Variants in PTPRF observed in about 807,000 individuals in gnomAD.
PTPRF encodes the protein protein tyrosine phosphatase receptor type F.
A neutral mutation model predicts 201.8 loss-of-function variants in PTPRF; 59 were observed. The ratio of observed to expected loss-of-function variants is 0.29; its 90% CI spans 0.24 to 0.36. The LOEUF (loss-of-function observed/expected upper bound fraction) is 0.36, where lower values mean the gene tolerates loss of function less well. Among genes scored for constraint, PTPRF ranks in the 10% least tolerant of loss-of-function variants. The pLI is 1.00. For missense variants in PTPRF, 2,132 were observed against 2,690.5 expected, an observed-to-expected ratio of 0.79 and a Z score of 4.59; for synonymous variants, 1,088 against 1,089.7, an observed-to-expected ratio of 1.00 and a Z score of 0.03.
intron 1 of PTPRF, among the ~76,000 whole-genome samples, chr1:43,533,868 G>C (rs551119968): frequency 6.6e-6 from 1 of 152,178 alleles, no homozygotes; most frequent in Non-Finnish European, 1.5e-5. Context: ...GCCAGACCCC[G>C]GGGTAGGCGC....
chr1:43,562,100 G>A (rs1328608328), intron 5 of PTPRF, among the ~76,000 whole-genome samples: 1 of 152,030 alleles, frequency 6.6e-6, no homozygotes, highest in Non-Finnish European at 1.5e-5. Context: ...TTTGCTTGCT[G>A]GGGAGAGAGG....
chr1:43,592,836 C>G (rs770422296), intron 11 of PTPRF, among the ~76,000 whole-genome samples: 15 of 152,142 alleles, frequency 9.9e-5, no homozygotes, highest in Non-Finnish European at 1.6e-4. Context: ...CCTCCTGCCC[C>G]TCCTCCCGCC....
At chr1:43,567,862 A>T (rs1172102716) in intron 5 of PTPRF, among the ~76,000 whole-genome samples, 2 of 152,222 alleles carry the variant, frequency 1.3e-5, no homozygotes, top group East Asian at 3.8e-4. Context: ...AAGGAGGTAG[A>T]GTGGTGCTGG....
At position 43,598,069 on chromosome 1, in the gene PTPRF, G is replaced by A. The variant is rs576844425; in HGVS notation, c.2119+16G>A. On this transcript the variant is annotated intron_variant, in intron 12 of 33. Transcript: ENST00000359947. ...GATGAGGACGGTAGGCAGTGCCACC[G>A]GGGCGGGAGGGGAGGCGTTCTGCCT... is the stretch of plus-strand genomic sequence containing the variant. 70 of 1,454,170 alleles carry A rather than the reference G, an allele frequency of 4.8e-5. No individual in the cohort carries two copies. In the African/African-American group the frequency reaches 8.8e-4, roughly 18 times the overall value. 90.1% of individuals were successfully genotyped at this position (1,454,170 alleles called of 1,614,324 possible). A position where few individuals can be genotyped will look rare whatever the true frequency, so the allele number is the denominator to read the frequency against.
intron 23 of PTPRF, among the ~76,000 whole-genome samples, chr1:43,616,651 C>T (rs57214956): frequency 0.11 from 17,203 of 151,900 alleles, 3,267 homozygotes; most frequent in African/African-American, 0.4. Flanking sequence ...GGGTGCCTTT[C>T]GCTAAGGTGT....
In PTPRF at chr1:43,592,644, GAC is replaced by G. The variant is rs113290421; in HGVS notation, c.1813+57_1813+58del. ...CCGCTGCCTGTTACACCTGGGCTGG[GAC>G]ACACACACACACATGCACACACATC... On this transcript the variant is annotated intron_variant, in intron 11 of 33. Coordinates refer to ENST00000359947, the MANE Select transcript of PTPRF (RefSeq NM_002840.5). 3.4e-3 allele frequency: 5,128 copies of G among 1,490,352 alleles called. 1 individual carries two copies. Among genetic ancestry groups the G allele is most frequent in the Admixed American group, 8.4e-3 (445 of 52,908 alleles). 92.3% of individuals were successfully genotyped at this position (1,490,352 alleles called of 1,614,324 possible).
intron 6 of PTPRF, among the ~76,000 whole-genome samples, chr1:43,578,339 G>A (rs1037332876): frequency 3.3e-5 from 5 of 152,190 alleles, no homozygotes; most frequent in African/African-American, 7.2e-5. Context: ...CCTGGTGGGC[G>A]GCAAATTCTC....
intron 7 of PTPRF, among the ~76,000 whole-genome samples, chr1:43,586,175 A>G (rs35287175): frequency 0.031 from 4,749 of 152,332 alleles, 101 homozygotes; most frequent in Middle Eastern, 0.054. Flanking sequence ...GGAAACCTGC[A>G]CCTAGTAGGT....
At chr1:43,592,387 C>T (rs116656175) in intron 10 of PTPRF, 70 bp from the exon 11 acceptor site, 1 of 1,537,776 alleles carries the variant, frequency 6.5e-7, no homozygotes, top group Non-Finnish European at 8.8e-7. Context: ...CATTGCAGCC[C>T]ATGTTGGGGA....
chr1:43,598,687 A>C (rs780319047), intron 12 of PTPRF, 33 bp from the exon 13 acceptor site: 19 of 1,597,410 alleles, frequency 1.2e-5, no homozygotes, highest in Non-Finnish European at 1.6e-5. Flanking sequence ...TGATACCTCC[A>C]GGCCTGACTT....
chr1:43,621,913 G>C (rs1191988065), intron 33 of PTPRF, 22 bp from the exon 34 acceptor site: 4 of 1,613,736 alleles, frequency 2.5e-6, no homozygotes, highest in Non-Finnish European at 3.4e-6. Context: ...GACCCACACT[G>C]ACCAGCCCCC....
Position 43,603,007 on chromosome 1 carries a change from C to G in PTPRF, c.2341-409C>G, listed in dbSNP as rs1263793468. ...GCATGCATGCACTGGTGTCCACAGG[C>G]AGCCTTACGCCTGCTTATGCAGGAG... On this transcript the variant is annotated intron_variant, in intron 14 of 33. Transcript: ENST00000359947. This position sits in a 1 kb window ranked among gnomAD's most constrained non-coding sequence, Gnocchi z 5.8. Among the ~76,000 whole-genome samples the G allele has an allele frequency of 6.6e-6, 1 of 152,188 alleles. No individual in the cohort carries two copies. Among genetic ancestry groups the G allele is most frequent in the Non-Finnish European group, 1.5e-5 (1 of 68,026 alleles).
At position 43,597,887 on chromosome 1, in the gene PTPRF, C is replaced by T. The variant is rs767436630; in HGVS notation, c.1953C>T (p.Gly651=). The change falls in exon 12 of 34, where the codon GGC becomes GGT. Residue 651 remains glycine, a synonymous_variant. Transcript: ENST00000359947. ...QYSVAYEAVD[G]EDRGRHVVDG... ...CCGTGGCCTACGAGGCGGTGGACGG[C>T]GAGGACCGCGGGCGGCATGTGGTGG... 8 of 1,607,374 alleles carry T rather than the reference C, an allele frequency of 5.0e-6. No homozygotes were observed. Among genetic ancestry groups the T allele is most frequent in the South Asian group, 2.2e-5 (2 of 89,274 alleles).
chr1:43,563,088 G>C (rs1293653763), intron 5 of PTPRF, among the ~76,000 whole-genome samples: 1 of 151,464 alleles, frequency 6.6e-6, no homozygotes, highest in Non-Finnish European at 1.5e-5. Flanking sequence ...TGAGGCATAA[G>C]AATTGCTTGA....
At chr1:43,576,454 T>C (rs1200146597) in intron 6 of PTPRF, among the ~76,000 whole-genome samples, 2 of 152,240 alleles carry the variant, frequency 1.3e-5, no homozygotes, top group African/African-American at 4.8e-5. Flanking sequence ...AAGAGTTCTG[T>C]GTAGGTGCTA....
chr1:43,540,331 A>C (rs1644282745), intron 2 of PTPRF, among the ~76,000 whole-genome samples: 1 of 152,048 alleles, frequency 6.6e-6, no homozygotes, highest in Admixed American at 6.6e-5. Context: ...AAAATTGGGG[A>C]GGGTCAGTGG....
At position 43,598,539 on chromosome 1, in the gene PTPRF, C is replaced by G. The variant is rs1038158099; in HGVS notation, c.2120-181C>G. 12 of 625,480 alleles carry G rather than the reference C, an allele frequency of 1.9e-5. 1 individual carries two copies. The Admixed American group carries it at 2.1e-4, about 11-fold the overall frequency. The allele number at this position is 625,480 out of a possible 1,614,324, so 38.7% of individuals were successfully genotyped here. On this transcript the variant is annotated intron_variant, in intron 12 of 33. Transcript: ENST00000359947. Reference sequence around the variant, plus strand: ...GGGCAGGGCCAGTCCTGGGCTCTTACCCGTGGCGGGCAGAGGGAGCCTTCC... The same window carrying G: ...GGGCAGGGCCAGTCCTGGGCTCTTAGCCGTGGCGGGCAGAGGGAGCCTTCC...
upstream of PTPRF, among the ~76,000 whole-genome samples, chr1:43,527,871 TCAGG>T (rs1643185141): frequency 6.6e-6 from 1 of 152,234 alleles, no homozygotes; most frequent in Non-Finnish European, 1.5e-5. Context: ...TAAGACTTGG[TCAGG>T]GAGCTGTTCC....
At chr1:43,592,706 TCTG>T in intron 11 of PTPRF, 105 bp downstream of exon 11, 1 of 1,324,332 alleles carries the variant, frequency 7.6e-7, no homozygotes, top group Non-Finnish European at 9.8e-7. Flanking sequence ...GGTGGTCAGG[TCTG>T]CTGGCCAAAC....
Sources: allele counts gnomAD v4.1 joint callset (sites outside exome capture counted in the v4.1 genomes callset), GRCh38; gene constraint gnomAD v4.1.1; non-coding constraint Gnocchi (gnomAD v3.1); transcripts MANE v1.5; gene names NCBI Gene and HGNC (gene_info 2026-07-23, HGNC 2026-07-21).